DDX10: variants seen among roughly 807,000 people sequenced by gnomAD.
DDX10 encodes probable ATP-dependent RNA helicase DDX10.
A neutral mutation model predicts 104.3 loss-of-function variants in DDX10; 74 were observed. That is an observed-to-expected ratio of 0.71 (90% confidence interval 0.59 to 0.86). The LOEUF is 0.86. Ranked by LOEUF, DDX10 falls within the 40% of genes least tolerant of loss-of-function variation. DDX10 has a pLI of 0.00. For synonymous variants in DDX10, 351 were observed against 353.4 expected (o/e 0.99, Z 0.08); for missense variants, 952 against 1,040.0 (o/e 0.92, Z 1.16).
At chr11:108,899,558 T>G (rs1461541448) in intron 16 of DDX10, among the ~76,000 whole-genome samples, 1 of 152,096 alleles carries the variant, frequency 6.6e-6, no homozygotes, top group Non-Finnish European at 1.5e-5. Flanking sequence ...AGGAAGTGCT[T>G]TCATATGATA....
At chr11:108,842,525 A>T (rs2134596950) in intron 15 of DDX10, among the ~76,000 whole-genome samples, 1 of 152,306 alleles carries the variant, frequency 6.6e-6, no homozygotes, top group South Asian at 2.1e-4. Flanking sequence ...TTATTTTAAT[A>T]TTTGATGCAG....
At chr11:108,902,556 GGTT>G (rs1012946759) in intron 16 of DDX10, among the ~76,000 whole-genome samples, 16 of 152,200 alleles carry the variant, frequency 1.1e-4, no homozygotes, top group African/African-American at 3.9e-4. Context: ...CACTTTCTAT[GGTT>G]GTAGCCTTTA....
intron 13 of DDX10, among the ~76,000 whole-genome samples, chr11:108,814,900 A>G (rs1195399248): frequency 6.6e-6 from 1 of 152,248 alleles, no homozygotes; most frequent in Non-Finnish European, 1.5e-5. Flanking sequence ...TTAATGATAT[A>G]GTCTCTGGGA....
chr11:108,719,425 T>C (rs566431925), intron 11 of DDX10, among the ~76,000 whole-genome samples: 1 of 152,244 alleles, frequency 6.6e-6, no homozygotes, highest in South Asian at 2.1e-4. Context: ...TACTGACATG[T>C]AGAGAAACAA....
Position 108,691,908 on chromosome 11 carries a change from A to G in DDX10, c.1008A>G (p.Leu336=). 6.2e-7 allele frequency: 1 copy of G among 1,614,130 alleles called. No individual in the cohort carries two copies. ...VQYLYRVFCR[L]RPGVSILALH... Reference sequence around the variant, plus strand: ...ATCTGTACCGAGTGTTTTGCCGGCTACGTCCTGGTGTTTCTATCCTTGCAC... The same window carrying G: ...ATCTGTACCGAGTGTTTTGCCGGCTGCGTCCTGGTGTTTCTATCCTTGCAC... Residue 336 remains leucine, a synonymous_variant, in exon 8 of 18, where the codon CTA becomes CTG. Coordinates refer to ENST00000322536, the MANE Select transcript of DDX10 (RefSeq NM_004398.4).
intron 16 of DDX10, among the ~76,000 whole-genome samples, chr11:108,881,091 T>C (rs1213450495): frequency 5.3e-5 from 8 of 152,224 alleles, no homozygotes; most frequent in Non-Finnish European, 1.0e-4. Flanking sequence ...AACCGTTTCT[T>C]AATGCGTCAC....
chr11:108,889,186 A>G (rs1334739461), intron 16 of DDX10, among the ~76,000 whole-genome samples: 1 of 152,188 alleles, frequency 6.6e-6, no homozygotes, highest in Non-Finnish European at 1.5e-5. Context: ...TCACAGGAGA[A>G]TAAAGCTGAA....
At chr11:108,670,476 G>A (rs1396813417) in intron 1 of DDX10, among the ~76,000 whole-genome samples, 1 of 152,320 alleles carries the variant, frequency 6.6e-6, no homozygotes, top group South Asian at 2.1e-4. Flanking sequence ...AGGAATCCCC[G>A]GGCCTGCAGT....
chr11:108,927,635 C>CTTTTTTTT (rs147115643), intron 17 of DDX10, among the ~76,000 whole-genome samples: 3 of 146,510 alleles, frequency 2.0e-5, no homozygotes, highest in Non-Finnish European at 3.0e-5. Flanking sequence ...GCACTTGGAA[C>CTTTTTTTT]TTTTTTTTTT....
intron 13 of DDX10, among the ~76,000 whole-genome samples, chr11:108,830,117 A>T (rs1323696147): frequency 1.3e-5 from 2 of 152,020 alleles, no homozygotes; most frequent in African/African-American, 4.8e-5. Flanking sequence ...TGGTATTTTG[A>T]TGGGAGTTGC....
At position 108,688,983 on chromosome 11, in the gene DDX10, A is replaced by G; in HGVS notation, c.896A>G (p.Gln299Arg). 1 of 1,614,070 alleles carries G rather than the reference A, an allele frequency of 6.2e-7. No homozygotes were observed. The highest frequency in any genetic ancestry group is 8.5e-7 in the Non-Finnish European group (1 of 1,179,912). ...EQNYIVCELQ[Q>R]KISVLYSFLR... ...AACTACATAGTCTGTGAGCTGCAGC[A>G]AAAAATAAGTGTGCTGTATTCCTTT... The change falls in exon 7 of 18, where the codon CAA becomes CGA. Residue 299 changes from glutamine to arginine, a missense_variant. Gln to Arg is a conservative substitution (Grantham distance 43). Coordinates refer to ENST00000322536, the MANE Select transcript of DDX10 (RefSeq NM_004398.4).
intron 15 of DDX10, among the ~76,000 whole-genome samples, chr11:108,845,244 TTTC>T (rs1453509643): frequency 6.6e-6 from 1 of 151,344 alleles, no homozygotes; most frequent in Non-Finnish European, 1.5e-5. Context: ...AAACAAAGAC[TTTC>T]TTCTTTACTT....
chr11:108,926,200 A>C (rs757607658), intron 17 of DDX10, among the ~76,000 whole-genome samples: 3 of 152,138 alleles, frequency 2.0e-5, no homozygotes, highest in Admixed American at 6.5e-5. Flanking sequence ...GCTGTGGAGC[A>C]GGGATTCTTA....
chr11:108,758,760 G>C (rs1476324912), intron 13 of DDX10, among the ~76,000 whole-genome samples: 1 of 151,974 alleles, frequency 6.6e-6, no homozygotes, highest in Admixed American at 6.6e-5. Flanking sequence ...TTTGACTTTT[G>C]ATTACATTGG....
At chr11:108,937,746 T>A (rs200937232) in intron 17 of DDX10, among the ~76,000 whole-genome samples, 2 of 152,220 alleles carry the variant, frequency 1.3e-5, no homozygotes, top group East Asian at 3.8e-4. Context: ...TTTGGTTTAT[T>A]GAAAGACTGT....
At chr11:108,709,774 C>A (rs1277026161) in intron 10 of DDX10, among the ~76,000 whole-genome samples, 1 of 151,796 alleles carries the variant, frequency 6.6e-6, no homozygotes, top group African/African-American at 2.4e-5. Context: ...TTTTCAATTT[C>A]AGTCATTTCT....
chr11:108,810,838 C>T (rs1005516813), intron 13 of DDX10, among the ~76,000 whole-genome samples: 4 of 152,148 alleles, frequency 2.6e-5, no homozygotes, highest in African/African-American at 9.7e-5. Flanking sequence ...AGTGAGCACC[C>T]AGCATGTTGC....
At position 108,928,691 on chromosome 11, in the gene DDX10, A is replaced by G. The variant is rs1262221202; in HGVS notation, c.2450+10673A>G. 2.6e-5 allele frequency among the ~76,000 whole-genome samples: 4 copies of G among 152,222 alleles called. No individual in the cohort carries two copies. The South Asian group carries it at 6.2e-4, about 24-fold the overall frequency. On this transcript the variant is annotated intron_variant, in intron 17 of 17. Coordinates refer to ENST00000322536, the MANE Select transcript of DDX10 (RefSeq NM_004398.4). ...AGCTTTCTTCATCAGTCAAAGGAAGATAATTTTTACCTTGCAAAGTTACTG... is the reference window on the plus strand; with the variant it reads ...AGCTTTCTTCATCAGTCAAAGGAAGGTAATTTTTACCTTGCAAAGTTACTG...
chr11:108,746,529 A>T (rs1303077282), intron 13 of DDX10, among the ~76,000 whole-genome samples: 1 of 152,014 alleles, frequency 6.6e-6, no homozygotes, highest in Admixed American at 6.6e-5. Flanking sequence ...TCCTCAGTGG[A>T]CATAATTATT....
Sources: gnomAD v4.1 joint callset for allele counts (sites outside exome capture counted in the v4.1 genomes callset) on GRCh38, gnomAD v4.1.1 for gene constraint, MANE v1.5 for transcripts, NCBI Gene and HGNC (gene_info 2026-07-23, HGNC 2026-07-21) for gene names.